The following ARHGEF28 variants were observed in gnomAD, a reference collection of about 807,000 sequenced individuals.
ARHGEF28 encodes the protein 190 kDa guanine nucleotide exchange factor.
ARHGEF28 carries 152 observed loss-of-function variants against 206.6 expected under a neutral mutation model. The observed-to-expected ratio is 0.74, with a 90% confidence interval of 0.64 to 0.84. The LOEUF (loss-of-function observed/expected upper bound fraction) is 0.84. ARHGEF28 is among the 40% of genes least tolerant of loss of function. The pLI is 0.00. For missense variants in ARHGEF28, 2,028 were observed against 2,073.2 expected (o/e 0.98, Z 0.42); for synonymous variants, 763 against 776.4 (o/e 0.98, Z 0.29).
chr5:73,871,775 G>T (rs573374073), intron 21 of ARHGEF28, among the ~76,000 whole-genome samples: 1 of 152,082 alleles, frequency 6.6e-6, no homozygotes, highest in Non-Finnish European at 1.5e-5. Context: ...TACCCCTTCC[G>T]CCAGCCTCTG....
intron 31 of ARHGEF28, chr5:73,903,395 T>C (rs1487807610): frequency 6.6e-6 from 1 of 152,154 alleles, no homozygotes; most frequent in Non-Finnish European, 1.5e-5. Flanking sequence ...TCAAGCATCA[T>C]TCTTATAATA....
chr5:73,813,062 G>A (rs1755938698), intron 9 of ARHGEF28, among the ~76,000 whole-genome samples: 1 of 152,098 alleles, frequency 6.6e-6, no homozygotes, highest in South Asian at 2.1e-4. Context: ...TCATTTGCCT[G>A]GGGATCAAGC....
At chr5:73,918,728 C>T (rs1763354921) in intron 35 of ARHGEF28, among the ~76,000 whole-genome samples, 1 of 151,962 alleles carries the variant, frequency 6.6e-6, no homozygotes, top group African/African-American at 2.4e-5. Context: ...TTGAGGAGGG[C>T]CACCCTCTGA....
At chr5:73,861,334 A>T (rs543327829) in intron 16 of ARHGEF28, among the ~76,000 whole-genome samples, 21 of 152,346 alleles carry the variant, frequency 1.4e-4, no homozygotes, top group African/African-American at 5.1e-4. Context: ...GTCATTTCTT[A>T]AAAAAGGAAT....
intron 15 of ARHGEF28, 31 bp from the exon 16 acceptor site, chr5:73,858,056 C>T (rs771256053): frequency 3.8e-6 from 6 of 1,568,904 alleles, no homozygotes; most frequent in South Asian, 3.6e-5. Context: ...CATTTTTCCC[C>T]ACTTTCCTAC....
At chr5:73,804,276 G>C (rs1755311724) in intron 9 of ARHGEF28, among the ~76,000 whole-genome samples, 1 of 152,026 alleles carries the variant, frequency 6.6e-6, no homozygotes, top group Non-Finnish European at 1.5e-5. Flanking sequence ...GTTCACTCTT[G>C]AGATCTTATT....
intron 12 of ARHGEF28, 145 bp downstream of exon 12, chr5:73,846,620 CTG>C (rs1324528554): frequency 8.2e-6 from 6 of 731,980 alleles, no homozygotes; most frequent in South Asian, 2.1e-5. Context: ...CTGATTGAGT[CTG>C]TCTTTTTAAT....
Position 73,904,398 on chromosome 5 carries a change from G to A in ARHGEF28, c.4154G>A (p.Ser1385Asn). ...AIQNLTRLLYSLQAALTIQDS... is the reference protein window; with the variant it reads ...AIQNLTRLLYNLQAALTIQDS... ...CAGAATTTAACCCGTCTCTTATACA[G>A]CCTTCAGGTAACTATCCTCCTCTAA... is the stretch of plus-strand genomic sequence containing the variant. Residue 1385 changes from serine to asparagine, a missense_variant, in exon 33 of 36, where the codon AGC becomes AAC. Around this residue, in one of 3 missense-constraint regions of ARHGEF28, gnomAD observed 803 missense variants for 768.0 expected, o/e 1.05. Coordinates refer to ENST00000513042, the MANE Select transcript of ARHGEF28 (RefSeq NM_001177693.2). The A allele has an allele frequency of 1.2e-6, 2 of 1,610,776 alleles. No homozygotes were observed. The highest frequency in any genetic ancestry group is 1.7e-6 in the Non-Finnish European group (2 of 1,178,408).
intron 28 of ARHGEF28, 110 bp from the exon 29 acceptor site, chr5:73,894,283 T>C: frequency 1.7e-6 from 2 of 1,143,886 alleles, no homozygotes; most frequent in Non-Finnish European, 2.4e-6. Context: ...CTGGGTTTTC[T>C]CTTGGAGGTC....
intron 1 of ARHGEF28, among the ~76,000 whole-genome samples, chr5:73,681,721 A>G (rs1163299335): frequency 6.6e-6 from 1 of 152,162 alleles, no homozygotes; most frequent in African/African-American, 2.4e-5. Context: ...AGGCTAAGGC[A>G]CAAGAATTGG....
intron 35 of ARHGEF28, among the ~76,000 whole-genome samples, chr5:73,922,740 T>G (rs1763588046): frequency 1.3e-5 from 2 of 152,216 alleles, no homozygotes; most frequent in Non-Finnish European, 2.9e-5. Flanking sequence ...TGACTAAAAC[T>G]GAACCCTCTT....
At chr5:73,872,338 T>G in intron 21 of ARHGEF28, among the ~76,000 whole-genome samples, 1 of 152,268 alleles carries the variant, frequency 6.6e-6, no homozygotes, top group East Asian at 1.9e-4. Flanking sequence ...GGTTATTTAT[T>G]TATTTATATT....
intron 18 of ARHGEF28, 136 bp from the exon 19 acceptor site, chr5:73,867,740 A>G (rs1469649267): frequency 2.6e-6 from 3 of 1,160,700 alleles, no homozygotes; most frequent in Admixed American, 4.7e-5. Flanking sequence ...TCTAGCAGGG[A>G]GACTGGTTTT....
intron 1 of ARHGEF28, among the ~76,000 whole-genome samples, chr5:73,662,677 G>C (rs1027349069): frequency 3.3e-5 from 5 of 152,154 alleles, no homozygotes; most frequent in African/African-American, 1.2e-4. Context: ...TAAAGTATGA[G>C]TTATCAATTA....
chr5:73,898,781 ATGTATAGT>A (rs1285832186), intron 30 of ARHGEF28: 1 of 152,270 alleles, frequency 6.6e-6, no homozygotes, highest in Non-Finnish European at 1.5e-5. Context: ...ATCCTGTTAT[ATGTATAGT>A]TGTAGGCTAC....
At chr5:73,872,193 G>A (rs1339681095) in intron 21 of ARHGEF28, among the ~76,000 whole-genome samples, 2 of 152,158 alleles carry the variant, frequency 1.3e-5, no homozygotes, top group Admixed American at 1.3e-4. Context: ...TATGTGTGAA[G>A]TGATGTGTCA....
intron 1 of ARHGEF28, among the ~76,000 whole-genome samples, chr5:73,682,677 G>A (rs1747183924): frequency 1.3e-5 from 2 of 152,136 alleles, no homozygotes; most frequent in African/African-American, 4.8e-5. Flanking sequence ...CTCCCAAAGT[G>A]CTGGCATTAC....
chr5:73,737,050 C>T (rs560361125), intron 2 of ARHGEF28, among the ~76,000 whole-genome samples: 46 of 152,228 alleles, frequency 3.0e-4, no homozygotes, highest in African/African-American at 9.9e-4. Context: ...GGGGATGTGC[C>T]ATTAGTAGGA....
At chr5:73,882,717 A>G in intron 23 of ARHGEF28, 123 bp downstream of exon 23, 2 of 965,014 alleles carry the variant, frequency 2.1e-6, no homozygotes, top group East Asian at 3.2e-5. Context: ...AGAAGAAGGG[A>G]GGTGGAATGT....
Sources: gnomAD v4.1 joint callset for allele counts (sites outside exome capture counted in the v4.1 genomes callset) on GRCh38, gnomAD v4.1.1 for gene constraint, gnomAD v4.1.1 regional missense constraint, MANE v1.5 for transcripts, NCBI Gene and HGNC (gene_info 2026-07-23, HGNC 2026-07-21) for gene names.